CDH17: variants seen among roughly 807,000 people sequenced by gnomAD.
CDH17 encodes the protein cadherin 17, also known as cadherin-17.
CDH17 carries 67 observed loss-of-function variants against 86.3 expected under a neutral mutation model. The ratio of observed to expected loss-of-function variants is 0.78; its 90% CI spans 0.64 to 0.95. CDH17 has a LOEUF of 0.95. Among genes scored for constraint, CDH17 ranks in the 40% least tolerant of loss-of-function variants. The probability of loss-of-function intolerance (pLI) is 0.00; values close to 1 mark genes in which losing one functional copy is unlikely to be tolerated. For synonymous variants in CDH17, 367 were observed against 366.4 expected, an observed-to-expected ratio of 1.00 and a Z score of -0.02; for missense variants, 993 against 1,017.6, an observed-to-expected ratio of 0.98 and a Z score of 0.33.
intron 9 of CDH17, among the ~76,000 whole-genome samples, chr8:94,168,132 A>G (rs1586256665): frequency 1.5e-5 from 1 of 67,974 alleles, no homozygotes; most frequent in Non-Finnish European, 3.0e-5. Flanking sequence ...ATATATATAT[A>G]TATATATATA....
chr8:94,131,181 T>C (rs922306711), intron 15 of CDH17, among the ~76,000 whole-genome samples, 189 bp from the exon 16 acceptor site: 1 of 152,208 alleles, frequency 6.6e-6, no homozygotes, highest in African/African-American at 2.4e-5. Flanking sequence ...AAGCATCCTT[T>C]AAGTTCTTAA....
In CDH17 at chr8:94,177,673, C is replaced by A. The variant is rs1401970116; in HGVS notation, c.199G>T (p.Asp67Tyr). The A allele has an allele frequency of 1.2e-6, 2 of 1,613,682 alleles. No homozygotes were observed. Among genetic ancestry groups the A allele is most frequent in the African/African-American group, 2.7e-5 (2 of 74,894 alleles). ...AVTFELTGET[D>Y]NIFVIEREGL... The stretch of plus-strand genomic sequence containing the variant: ...TCCCGTTCTATCACAAATATGTTGT[C>A]TGTCTCCCCAGTTAGTTCAAAAGTC... Residue 67 changes from aspartate (D) to tyrosine (Y), a missense_variant, in exon 4 of 18, where the codon GAC (aspartate) becomes TAC (tyrosine). Asp to Tyr is a radical substitution (Grantham distance 160). Coordinates refer to ENST00000027335, the MANE Select transcript of CDH17 (RefSeq NM_004063.4).
chr8:94,163,469 G>A lies in CDH17; in HGVS notation c.1283-1307C>T, dbSNP rs548728791. ...GTGTAGCTGGGGGTGTCACGCCCCC[G>A]TTGCCAACAGCCCTCTTCTAGTGAC... On this transcript the variant is annotated intron_variant, in intron 10 of 17. Transcript: ENST00000027335. Among the ~76,000 whole-genome samples, 11 of 152,302 alleles carry A rather than the reference G, an allele frequency of 7.2e-5. No individual in the cohort carries two copies. The South Asian group carries it at 1.0e-3, about 14-fold the overall frequency.
chr8:94,162,732 G>T (rs183062379), intron 10 of CDH17, among the ~76,000 whole-genome samples: 1 of 152,288 alleles, frequency 6.6e-6, no homozygotes, highest in African/African-American at 2.4e-5. Context: ...TGGGGACAGA[G>T]GTAGCTCCTG....
chr8:94,166,141 G>A (rs757411107), intron 9 of CDH17, among the ~76,000 whole-genome samples, 165 bp from the exon 10 acceptor site: 4 of 152,208 alleles, frequency 2.6e-5, no homozygotes, highest in Admixed American at 6.5e-5. Flanking sequence ...ATCATGTAAT[G>A]GGTTGAATAG....
At chr8:94,198,591 C>A (rs983067802) in intron 1 of CDH17, among the ~76,000 whole-genome samples, 2 of 152,120 alleles carry the variant, frequency 1.3e-5, no homozygotes, top group African/African-American at 4.8e-5. Flanking sequence ...TCCTTAAACT[C>A]CTCAGCATTC....
At chr8:94,152,454 C>T (rs542609557) in intron 12 of CDH17, among the ~76,000 whole-genome samples, 37 of 152,274 alleles carry the variant, frequency 2.4e-4, no homozygotes, top group African/African-American at 8.7e-4. Context: ...AGTGCAGTGG[C>T]GCAATCTTGG....
intron 12 of CDH17, among the ~76,000 whole-genome samples, chr8:94,153,709 G>A (rs1038543897): frequency 6.6e-6 from 1 of 152,068 alleles, no homozygotes; most frequent in Non-Finnish European, 1.5e-5. Context: ...ATGAAATACT[G>A]TTCAGCTTTA....
chr8:94,173,054 A>G (rs1813299885), intron 7 of CDH17, among the ~76,000 whole-genome samples: 1 of 152,196 alleles, frequency 6.6e-6, no homozygotes, highest in African/African-American at 2.4e-5. Context: ...CCATGTCCAT[A>G]CATAGTGCAC....
At chr8:94,187,963 C>A (rs912274302) in intron 3 of CDH17, among the ~76,000 whole-genome samples, 7 of 152,202 alleles carry the variant, frequency 4.6e-5, no homozygotes, top group African/African-American at 7.2e-5. Flanking sequence ...CCCCTGCCAG[C>A]TCTTACTCTG....
intron 12 of CDH17, 37 bp from the exon 13 acceptor site, chr8:94,152,149 GA>G: frequency 6.2e-7 from 1 of 1,606,682 alleles, no homozygotes; most frequent in South Asian, 1.1e-5. Flanking sequence ...ATTTTGGGGT[GA>G]TTAGCTCCCT....
rs372749622 is a variant in CDH17 at position 94,165,744 on chromosome 8, G to A, written c.1282+17C>T. ...AAAACAATGATTTGCACTCAAGACG[G>A]TGGATATGATACTAACCTTTGTCAG... On this transcript the variant is annotated intron_variant, in intron 10 of 17. Transcript: ENST00000027335. 57 of 1,525,026 alleles carry A rather than the reference G, an allele frequency of 3.7e-5. No homozygotes were observed. The Admixed American group carries it at 6.5e-4, about 17-fold the overall frequency. 94.5% of individuals were successfully genotyped at this position (1,525,026 alleles called of 1,614,324 possible).
At chr8:94,141,561 G>A (rs1812638739) in intron 15 of CDH17, among the ~76,000 whole-genome samples, 1 of 152,028 alleles carries the variant, frequency 6.6e-6, no homozygotes, top group South Asian at 2.1e-4. Context: ...TCTAAATAAG[G>A]TCAGCAAGCC....
At chr8:94,195,463 T>C (rs929641567) in intron 1 of CDH17, among the ~76,000 whole-genome samples, 1 of 152,214 alleles carries the variant, frequency 6.6e-6, no homozygotes, top group African/African-American at 2.4e-5. Context: ...AGCTGCCTCT[T>C]TGATCTTCTA....
At chr8:94,158,156 A>G (rs989043840) in intron 12 of CDH17, among the ~76,000 whole-genome samples, 2 of 152,190 alleles carry the variant, frequency 1.3e-5, no homozygotes, top group Admixed American at 6.5e-5. Context: ...CTTGTTCATA[A>G]TTGTATATGG....
intron 10 of CDH17, among the ~76,000 whole-genome samples, chr8:94,162,893 G>C (rs1176321937): frequency 1.3e-5 from 2 of 152,206 alleles, no homozygotes; most frequent in Non-Finnish European, 2.9e-5. Context: ...TAAAATGACA[G>C]GTTCTTTGTT....
At chr8:94,194,815 G>T (rs1813751683) in intron 1 of CDH17, 110 bp from the exon 2 acceptor site, 2 of 648,584 alleles carry the variant, frequency 3.1e-6, no homozygotes, top group Non-Finnish European at 5.4e-6. Flanking sequence ...TAGTAAAATG[G>T]TATCCCAAAA....
At chr8:94,195,335 T>C (rs1410850475) in intron 1 of CDH17, among the ~76,000 whole-genome samples, 2 of 152,120 alleles carry the variant, frequency 1.3e-5, no homozygotes, top group Non-Finnish European at 2.9e-5. Flanking sequence ...ATGGAGAAGA[T>C]GTATTTTGGC....
intron 15 of CDH17, among the ~76,000 whole-genome samples, chr8:94,131,919 C>T (rs1812428945): frequency 6.6e-6 from 1 of 152,074 alleles, no homozygotes; most frequent in Admixed American, 6.6e-5. Flanking sequence ...TGAGTGAGAA[C>T]ATGCAGTGTT....
Sources: allele counts gnomAD v4.1 joint callset (sites outside exome capture counted in the v4.1 genomes callset), GRCh38; gene constraint gnomAD v4.1.1; transcripts MANE v1.5; gene names NCBI Gene and HGNC (gene_info 2026-07-23, HGNC 2026-07-21).